The following NRXN1 variants were observed in gnomAD, a reference collection of about 807,000 sequenced individuals.
NRXN1 encodes neurexin 1.
In NRXN1, 39 loss-of-function variants were observed where a neutral mutation model predicts 150.9. The observed-to-expected ratio is 0.26, with a 90% CI of 0.20 to 0.34. The LOEUF (loss-of-function observed/expected upper bound fraction) is 0.34, where lower values mean the gene tolerates loss of function less well. Ranked by LOEUF, NRXN1 falls within the 10% of genes least tolerant of loss-of-function variation. The pLI is 1.00. For missense variants in NRXN1, 1,815 were observed against 1,949.9 expected (o/e 0.93, Z 1.30); for synonymous variants, 924 against 757.0 (o/e 1.22, Z -3.62).
At chr2:50,748,316 AAT>A (rs1700226947) in intron 5 of NRXN1, among the ~76,000 whole-genome samples, 1 of 152,168 alleles carries the variant, frequency 6.6e-6, no homozygotes, top group South Asian at 2.1e-4. Context: ...GATAAGGTTA[AAT>A]AGAAACTGTG....
At chr2:50,125,102 T>C (rs1024309897) in intron 18 of NRXN1, among the ~76,000 whole-genome samples, 3 of 152,120 alleles carry the variant, frequency 2.0e-5, no homozygotes, top group Non-Finnish European at 4.4e-5. Context: ...TAGTAAATTA[T>C]TAATTTATTG....
intron 5 of NRXN1, among the ~76,000 whole-genome samples, chr2:50,778,620 T>C (rs1703962426): frequency 6.6e-6 from 1 of 152,168 alleles, no homozygotes. Context: ...GAGATAATTT[T>C]GAATGATTCC....
At chr2:50,901,761 A>G (rs1321152955) in intron 5 of NRXN1, among the ~76,000 whole-genome samples, 2 of 152,182 alleles carry the variant, frequency 1.3e-5, no homozygotes, top group Non-Finnish European at 2.9e-5. Context: ...ACTAAACAAC[A>G]ATCCAAAGAA....
chr2:49,993,007 T>G lies in NRXN1; in HGVS notation c.4129-49216A>C, dbSNP rs1004242124. Among the ~76,000 whole-genome samples the G allele has an allele frequency of 2.0e-5, 3 of 152,248 alleles. 1 individual carries two copies. The highest frequency in any genetic ancestry group is 4.4e-5 in the Non-Finnish European group (3 of 68,046). On this transcript the variant is annotated intron_variant, in intron 21 of 22. Coordinates refer to ENST00000401669, the MANE Select transcript of NRXN1 (RefSeq NM_001330078.2). ...TTTTGGAAGAGAGTTTGGCAGTTTC[T>G]AACAAAGCTAAACATACTTTTACCA...
At chr2:50,197,117 T>A (rs1007866270) in intron 18 of NRXN1, among the ~76,000 whole-genome samples, 1 of 152,128 alleles carries the variant, frequency 6.6e-6, no homozygotes, top group African/African-American at 2.4e-5. Flanking sequence ...CCTAGCAAAC[T>A]TTTTTTCAGA....
chr2:50,761,034 T>G (rs1346123085), intron 5 of NRXN1, among the ~76,000 whole-genome samples: 1 of 152,006 alleles, frequency 6.6e-6, no homozygotes, highest in Non-Finnish European at 1.5e-5. Context: ...CCTGTGTAAA[T>G]GCAGGCCTAA....
At chr2:50,019,660 AAGG>A (rs1346015748) in intron 21 of NRXN1, among the ~76,000 whole-genome samples, 1 of 107,630 alleles carries the variant, frequency 9.3e-6, no homozygotes, top group Non-Finnish European at 1.9e-5. Flanking sequence ...AAAAAAAAAA[AAGG>A]AGGCTGGGCG....
At chr2:50,278,233 A>ATATATGTAT (rs1553368149) in intron 17 of NRXN1, among the ~76,000 whole-genome samples, 4 of 49,852 alleles carry the variant, frequency 8.0e-5, no homozygotes, top group African/African-American at 2.0e-4. Flanking sequence ...TGGCTTTTAT[A>ATATATGTAT]TATATATAAT....
intron 17 of NRXN1, among the ~76,000 whole-genome samples, chr2:50,245,905 C>G (rs138776279): frequency 6.6e-6 from 1 of 151,896 alleles, no homozygotes; most frequent in African/African-American, 2.4e-5. Flanking sequence ...TTGTACTTAA[C>G]TCTATTCTTA....
intron 19 of NRXN1, among the ~76,000 whole-genome samples, chr2:50,080,329 A>G (rs887026845): frequency 6.6e-6 from 1 of 152,126 alleles, no homozygotes; most frequent in Non-Finnish European, 1.5e-5. Flanking sequence ...TTATACATTA[A>G]ATTTTATCAT....
At chr2:50,432,732 A>T (rs1310816563) in intron 17 of NRXN1, among the ~76,000 whole-genome samples, 1 of 152,172 alleles carries the variant, frequency 6.6e-6, no homozygotes, top group Non-Finnish European at 1.5e-5. Flanking sequence ...ATGCATATCT[A>T]ATCTCCATAA....
intron 12 of NRXN1, among the ~76,000 whole-genome samples, chr2:50,526,391 A>T (rs2092953133): frequency 6.6e-6 from 1 of 152,200 alleles, no homozygotes; most frequent in Admixed American, 6.6e-5. Flanking sequence ...CTGTGATTTA[A>T]TAAACGTACA....
At chr2:50,852,552 T>C (rs1209550622) in intron 5 of NRXN1, among the ~76,000 whole-genome samples, 1 of 152,196 alleles carries the variant, frequency 6.6e-6, no homozygotes, top group Non-Finnish European at 1.5e-5. Flanking sequence ...CTTTAACAAC[T>C]GAATTACTCT....
intron 17 of NRXN1, among the ~76,000 whole-genome samples, chr2:50,292,759 T>A (rs190171451): frequency 2.0e-5 from 3 of 152,342 alleles, no homozygotes; most frequent in East Asian, 3.9e-4. Context: ...AAAACATATT[T>A]GGAGTGCACC....
At chr2:50,833,102 A>C (rs1360478191) in intron 5 of NRXN1, among the ~76,000 whole-genome samples, 1 of 152,216 alleles carries the variant, frequency 6.6e-6, no homozygotes, top group African/African-American at 2.4e-5. Context: ...ATGCAAAATA[A>C]CACCACAATG....
chr2:50,104,321 A>T (rs1701356820), intron 18 of NRXN1, among the ~76,000 whole-genome samples: 1 of 152,042 alleles, frequency 6.6e-6, no homozygotes, highest in Admixed American at 6.6e-5. Flanking sequence ...TACTGTTGTG[A>T]TCTTGCATTC....
intron 17 of NRXN1, among the ~76,000 whole-genome samples, chr2:50,367,502 G>A (rs574980173): frequency 6.6e-6 from 1 of 151,536 alleles, no homozygotes; most frequent in Non-Finnish European, 1.5e-5. Flanking sequence ...CACTTACTCT[G>A]CAACAGGATC....
intron 17 of NRXN1, among the ~76,000 whole-genome samples, chr2:50,408,220 C>A (rs1442988510): frequency 6.6e-6 from 1 of 152,140 alleles, no homozygotes; most frequent in Non-Finnish European, 1.5e-5. Context: ...GTGAAGAATG[C>A]AAATCTGAGT....
intron 17 of NRXN1, among the ~76,000 whole-genome samples, chr2:50,396,323 T>C (rs2082048334): frequency 6.6e-6 from 1 of 152,218 alleles, no homozygotes. Flanking sequence ...TGAAAGTTTC[T>C]TTGCTTAACA....
Sources: gnomAD v4.1 joint callset for allele counts (sites outside exome capture counted in the v4.1 genomes callset) on GRCh38, gnomAD v4.1.1 for gene constraint, MANE v1.5 for transcripts, NCBI Gene and HGNC (gene_info 2026-07-23, HGNC 2026-07-21) for gene names.